The following NOB1 variants were observed in gnomAD, a reference collection of about 807,000 sequenced individuals.
The protein encoded by NOB1 is NIN1 (RPN12) binding protein 1 homolog, also known as RNA-binding protein NOB1.
NOB1 carries 44 observed loss-of-function variants against 44.8 expected under a neutral mutation model. That is an observed-to-expected ratio of 0.98 (90% CI 0.77 to 1.26). The LOEUF is 1.26. NOB1 is among the 50% of genes most tolerant of loss of function. NOB1 has a pLI of 0.00. For missense variants in NOB1, 560 were observed against 544.8 expected (o/e 1.03, Z -0.28); for synonymous variants, 238 against 218.7 (o/e 1.09, Z -0.78).
intron 7 of NOB1, among the ~76,000 whole-genome samples, chr16:69,745,390 G>A (rs1487955702): frequency 6.6e-6 from 1 of 152,192 alleles, no homozygotes; most frequent in African/African-American, 2.4e-5. Context: ...GCTTGCTCAA[G>A]GTCACCCAGC....
At chr16:69,743,988 AC>A (rs774157452) in intron 8 of NOB1, among the ~76,000 whole-genome samples, 6 of 152,230 alleles carry the variant, frequency 3.9e-5, no homozygotes, top group Admixed American at 2.0e-4. Context: ...GAGAAAGCAG[AC>A]GTGGTACATG....
At chr16:69,751,560 T>C (rs544435896) in intron 3 of NOB1, among the ~76,000 whole-genome samples, 14 of 151,962 alleles carry the variant, frequency 9.2e-5, no homozygotes, top group African/African-American at 3.4e-4. Flanking sequence ...ATGAACCTCA[T>C]TGGGATCCTG....
intron 1 of NOB1, 26 bp downstream of exon 1, chr16:69,754,822 C>A (rs779841744): frequency 6.2e-7 from 1 of 1,606,638 alleles, no homozygotes; most frequent in Admixed American, 1.7e-5. Context: ...CCAGATCTCT[C>A]TCGTCCCGGA....
chr16:69,747,222 C>CAAAAAAAAA (rs35257586), intron 7 of NOB1, among the ~76,000 whole-genome samples: 9 of 78,584 alleles, frequency 1.1e-4, no homozygotes, highest in Admixed American at 1.7e-4. Context: ...ACCCTGTCTC[C>CAAAAAAAAA]AAAAAAAAAA....
chr16:69,751,720 C>T (rs922994621), intron 3 of NOB1, among the ~76,000 whole-genome samples: 1 of 152,034 alleles, frequency 6.6e-6, no homozygotes, highest in Non-Finnish European at 1.5e-5. Context: ...AGAGACATAC[C>T]AAGAAATATC....
intron 2 of NOB1, among the ~76,000 whole-genome samples, chr16:69,753,059 TA>T (rs1452209178): frequency 6.6e-6 from 1 of 152,064 alleles, no homozygotes; most frequent in Non-Finnish European, 1.5e-5. Context: ...CCTTGTCTCC[TA>T]AAAATACAAA....
chr16:69,754,573 C>A (rs746875562), intron 2 of NOB1, 21 bp downstream of exon 2: 2 of 1,613,316 alleles, frequency 1.2e-6, no homozygotes, highest in Non-Finnish European at 1.7e-6. Flanking sequence ...TTCCCGTCAA[C>A]GCTAGGGCAG....
Position 69,748,210 on chromosome 16 carries a change from G to C in NOB1, c.824+22C>G. ...AAGAGTGTTCCACAGAGGGCACCAG[G>C]GCCAGGGCACCAGCTACATACTTGA... is the stretch of plus-strand genomic sequence containing the variant. On this transcript the variant is annotated intron_variant, in intron 7 of 8. Transcript: ENST00000268802. The C allele has an allele frequency of 1.9e-6, 3 of 1,579,680 alleles. No individual in the cohort carries two copies. In the Middle Eastern group the frequency reaches 5.0e-4, roughly 263 times the overall value.
rs966945762 is a variant in NOB1 at position 69,748,418 on chromosome 16, G to A, written c.727-89C>T. 38 of 1,231,332 alleles carry A rather than the reference G, an allele frequency of 3.1e-5. 1 individual carries two copies. In the South Asian group the frequency reaches 5.0e-4, roughly 16 times the overall value. 76.3% of individuals were successfully genotyped at this position (1,231,332 alleles called of 1,614,324 possible). A position where few individuals can be genotyped will look rare whatever the true frequency, so the allele number is the denominator to read the frequency against. On this transcript the variant is annotated intron_variant, in intron 6 of 8. Transcript: ENST00000268802. ...AAGGGAACTTCACAAACCCTGCCTT[G>A]CCCATATTCCTTGGCTTTTGCGAAG...
In NOB1 at chr16:69,742,303, C is replaced by T. The variant is rs2038388404; in HGVS notation, c.*29G>A. ...CGGAACTCCACGGCGGCCAGACGCC[C>T]ATCCAATTTGCCTGCGGGAACTCGC... On this transcript the variant is annotated 3_prime_UTR_variant, in exon 9 of 9. Transcript: ENST00000268802. 6.2e-7 allele frequency: 1 copy of T among 1,600,146 alleles called. No homozygotes were observed. Among genetic ancestry groups the T allele is most frequent in the African/African-American group, 1.3e-5 (1 of 74,576 alleles).
chr16:69,744,781 T>C (rs998973175), intron 8 of NOB1, 92 bp downstream of exon 8: 16 of 1,402,326 alleles, frequency 1.1e-5, no homozygotes, highest in Non-Finnish European at 1.4e-5. Flanking sequence ...CAATCGCCCA[T>C]CTTGCAGAAA....
At chr16:69,747,222 CAAAAAA>C (rs35257586) in intron 7 of NOB1, among the ~76,000 whole-genome samples, 1 of 78,614 alleles carries the variant, frequency 1.3e-5, no homozygotes, top group South Asian at 5.2e-4. Context: ...ACCCTGTCTC[CAAAAAA>C]AAAAAAAAAA....
intron 7 of NOB1, among the ~76,000 whole-genome samples, chr16:69,747,417 A>C (rs1297506374): frequency 1.3e-5 from 2 of 152,040 alleles, no homozygotes; most frequent in African/African-American, 2.4e-5. Flanking sequence ...GCTTTTGCAA[A>C]ATCACAGCAG....
At chr16:69,748,425 T>C in intron 6 of NOB1, 96 bp from the exon 7 acceptor site, 1 of 1,143,634 alleles carries the variant, frequency 8.7e-7, no homozygotes, top group Non-Finnish European at 1.3e-6. Context: ...CTTGCCCATA[T>C]TCCTTGGCTT....
chr16:69,746,755 AAGTT>A lies in NOB1; in HGVS notation c.824+1473_824+1476del, dbSNP rs1037238377. Among the ~76,000 whole-genome samples the A allele has an allele frequency of 8.5e-5, 13 of 152,082 alleles. No individual in the cohort carries two copies. The East Asian group carries it at 1.5e-3, about 18-fold the overall frequency. On this transcript the variant is annotated intron_variant, in intron 7 of 8. Transcript: ENST00000268802. ...ACCCTGTCACTACTAAAAATACAAA[AAGTT>A]AGCCAGATGTGGTGGCGGGTGCCTG...
At position 69,745,011 on chromosome 16, in the gene NOB1, C is replaced by CCAA. The variant is rs1567642085; in HGVS notation, c.830_831insTTG (p.Thr277_Ser278insTrp). The CCAA allele has an allele frequency of 6.2e-7, 1 of 1,613,978 alleles. No individual in the cohort carries two copies. The highest frequency in any genetic ancestry group is 8.5e-7 in the Non-Finnish European group (1 of 1,180,016). ...AGCAGAACACTCGGCTCATGTCAGA[C>CCAA]GTTGTCCTGGGAGACACAAAAGGAG... is the stretch of plus-strand genomic sequence containing the variant. On this transcript the variant is annotated inframe_insertion, in exon 8 of 9. Coordinates refer to ENST00000268802, the MANE Select transcript of NOB1 (RefSeq NM_014062.3).
At chr16:69,746,604 T>G (rs2038433255) in intron 7 of NOB1, among the ~76,000 whole-genome samples, 2 of 152,222 alleles carry the variant, frequency 1.3e-5, no homozygotes, top group Admixed American at 6.5e-5. Flanking sequence ...ACCTTCTCAA[T>G]CTTATTAAGC....
rs1281586105 is a variant in NOB1, at chr16:69,742,233, C to T, written c.*99G>A. ...GCACCGTGAAGCCCGCCTGTTATTT[C>T]CATCGGGTGGTCCTGGAGACGACAC... On this transcript the variant is annotated 3_prime_UTR_variant, in exon 9 of 9. Transcript: ENST00000268802. 10 of 1,464,864 alleles carry T rather than the reference C, an allele frequency of 6.8e-6. No homozygotes were observed. In the Admixed American group the frequency reaches 1.8e-4, roughly 26 times the overall value. 90.7% of individuals were successfully genotyped at this position (1,464,864 alleles called of 1,614,324 possible). A position where few individuals can be genotyped will look rare whatever the true frequency, so the allele number is the denominator to read the frequency against.
At position 69,748,913 on chromosome 16, in the gene NOB1, C is replaced by A; in HGVS notation, c.726+5G>T. On this transcript the variant is annotated splice_donor_5th_base_variant and intron_variant, in intron 6 of 8. Coordinates refer to ENST00000268802, the MANE Select transcript of NOB1 (RefSeq NM_014062.3). The stretch of plus-strand genomic sequence containing the variant: ...TGACACACGGCCCAGGCCCACCCTA[C>A]CCACCTGCATGGCGAAGTCTGTGGT... 6.3e-7 allele frequency: 1 copy of A among 1,595,966 alleles called. No homozygotes were observed. Among genetic ancestry groups the A allele is most frequent in the East Asian group, 2.2e-5 (1 of 44,478 alleles).
Sources: gnomAD v4.1 joint callset for allele counts (sites outside exome capture counted in the v4.1 genomes callset) on GRCh38, gnomAD v4.1.1 for gene constraint, MANE v1.5 for transcripts, NCBI Gene and HGNC (gene_info 2026-07-23, HGNC 2026-07-21) for gene names.